Variants in STK32B observed in about 807,000 individuals in gnomAD.
STK32B encodes the protein serine/threonine-protein kinase 32B.
STK32B carries 43 observed loss-of-function variants against 52.6 expected under a neutral mutation model. The ratio of observed to expected loss-of-function variants is 0.82; its 90% CI spans 0.64 to 1.05. The LOEUF is 1.05. STK32B is among the 50% of genes least tolerant of loss of function. STK32B has a pLI of 0.00. For missense variants in STK32B, 621 were observed against 534.6 expected (o/e 1.16, Z -1.59); for synonymous variants, 238 against 204.3 (o/e 1.17, Z -1.41).
intron 3 of STK32B, among the ~76,000 whole-genome samples, chr4:5,282,695 T>C (rs1728288590): frequency 6.6e-6 from 1 of 152,080 alleles, no homozygotes; most frequent in South Asian, 2.1e-4. Context: ...CTTTAGGTGA[T>C]CCTGGATTAT....
intron 7 of STK32B, among the ~76,000 whole-genome samples, chr4:5,449,812 G>A (rs1248506547): frequency 6.6e-6 from 1 of 152,150 alleles, no homozygotes; most frequent in Admixed American, 6.5e-5. Flanking sequence ...TGCACCTTAT[G>A]AGAATCTAAT....
At chr4:5,174,067 G>A (rs1719616373) in intron 3 of STK32B, among the ~76,000 whole-genome samples, 1 of 152,048 alleles carries the variant, frequency 6.6e-6, no homozygotes, top group Admixed American at 6.6e-5. Context: ...GGCCTTCTTT[G>A]TCTCTTTTGA....
chr4:5,421,831 A>G (rs1292328186), intron 6 of STK32B, among the ~76,000 whole-genome samples: 1 of 152,198 alleles, frequency 6.6e-6, no homozygotes, highest in African/African-American at 2.4e-5. Flanking sequence ...ACGTTTCTAC[A>G]TCTCTTATTT....
chr4:5,184,831 G>T (rs1720625861), intron 3 of STK32B, among the ~76,000 whole-genome samples: 1 of 152,206 alleles, frequency 6.6e-6, no homozygotes, highest in African/African-American at 2.4e-5. Context: ...TGGAAAACAT[G>T]GCACCGATGG....
intron 11 of STK32B, among the ~76,000 whole-genome samples, chr4:5,496,310 C>T (rs574649055): frequency 1.2e-4 from 19 of 152,318 alleles, no homozygotes; most frequent in South Asian, 6.2e-4. Flanking sequence ...GCCTCGCTGC[C>T]GCCTTGCAGT....
intron 2 of STK32B, among the ~76,000 whole-genome samples, chr4:5,165,741 C>A (rs769526483): frequency 6.6e-6 from 1 of 152,186 alleles, no homozygotes; most frequent in Non-Finnish European, 1.5e-5. Flanking sequence ...TACGTTTGCA[C>A]GTCATACCTT....
Position 5,250,559 on chromosome 4 carries a change from C to T in STK32B, c.261-80661C>T, listed in dbSNP as rs59284344. Among the ~76,000 whole-genome samples the T allele has an allele frequency of 8.1e-3, 1,231 of 152,196 alleles. 22 individuals are homozygous for T. Among genetic ancestry groups the T allele is most frequent in the African/African-American group, 0.022 (895 of 41,520 alleles). The stretch of plus-strand genomic sequence containing the variant: ...AACTCCTGACCTCAAGTGATCCACC[C>T]GCCTCGGCCTCCCAAAGTGCTAGGA... On this transcript the variant is annotated intron_variant, in intron 3 of 11. Coordinates refer to ENST00000282908, the MANE Select transcript of STK32B (RefSeq NM_018401.3).
chr4:5,387,750 G>A (rs909218045), intron 4 of STK32B, among the ~76,000 whole-genome samples: 8 of 147,582 alleles, frequency 5.4e-5, no homozygotes, highest in Admixed American at 3.4e-4. Context: ...TTTTTTATTC[G>A]TTTGTTTGTT....
intron 1 of STK32B, among the ~76,000 whole-genome samples, chr4:5,123,185 A>G (rs1323593663): frequency 6.6e-6 from 1 of 152,080 alleles, no homozygotes; most frequent in Non-Finnish European, 1.5e-5. Context: ...CAAGCTGTAG[A>G]GACAGAAGGT....
chr4:5,484,490 G>T (rs559984988), intron 11 of STK32B, among the ~76,000 whole-genome samples: 2 of 152,090 alleles, frequency 1.3e-5, no homozygotes, highest in African/African-American at 2.4e-5. Flanking sequence ...GTCTCTGCAC[G>T]TGAGATGGGT....
intron 1 of STK32B, among the ~76,000 whole-genome samples, chr4:5,093,350 G>A (rs1713200051): frequency 2.0e-5 from 3 of 152,128 alleles, no homozygotes; most frequent in South Asian, 2.1e-4. Flanking sequence ...AATAGTAACT[G>A]CATGAAACTT....
At chr4:5,059,689 A>G (rs1448915450) in intron 1 of STK32B, among the ~76,000 whole-genome samples, 1 of 152,252 alleles carries the variant, frequency 6.6e-6, no homozygotes, top group Admixed American at 6.5e-5. Flanking sequence ...TAAAAGCACA[A>G]CTTGCTGAAA....
intron 3 of STK32B, among the ~76,000 whole-genome samples, chr4:5,184,405 A>G (rs1720580843): frequency 6.6e-6 from 1 of 152,190 alleles, no homozygotes; most frequent in Non-Finnish European, 1.5e-5. Flanking sequence ...TGATGCCCCA[A>G]AACAATTGTA....
chr4:5,454,146 G>A (rs1185596657), intron 7 of STK32B, among the ~76,000 whole-genome samples: 4 of 152,154 alleles, frequency 2.6e-5, no homozygotes, highest in African/African-American at 4.8e-5. Flanking sequence ...TCCCGCTCAT[G>A]CCGGGCCCCA....
At chr4:5,263,927 T>C (rs1726889267) in intron 3 of STK32B, among the ~76,000 whole-genome samples, 1 of 152,234 alleles carries the variant, frequency 6.6e-6, no homozygotes, top group Non-Finnish European at 1.5e-5. Context: ...AATGAAAATA[T>C]TGTGCCTGGC....
intron 3 of STK32B, among the ~76,000 whole-genome samples, chr4:5,241,990 G>A (rs937582961): frequency 1.3e-5 from 2 of 152,088 alleles, no homozygotes; most frequent in African/African-American, 2.4e-5. Context: ...TGGACATTTG[G>A]GTTGGTTCCA....
chr4:5,339,541 C>T (rs1163663118), intron 4 of STK32B, among the ~76,000 whole-genome samples: 1 of 152,100 alleles, frequency 6.6e-6, no homozygotes, highest in East Asian at 1.9e-4. Flanking sequence ...AATTCAAGAG[C>T]TGAATTTATG....
intron 11 of STK32B, among the ~76,000 whole-genome samples, chr4:5,495,846 G>C (rs1455590963): frequency 6.6e-6 from 1 of 152,200 alleles, no homozygotes; most frequent in Non-Finnish European, 1.5e-5. Flanking sequence ...GTCCACTCCA[G>C]ACCCTGTTTG....
At chr4:5,275,017 G>A (rs1458469072) in intron 3 of STK32B, among the ~76,000 whole-genome samples, 1 of 152,134 alleles carries the variant, frequency 6.6e-6, no homozygotes, top group Non-Finnish European at 1.5e-5. Flanking sequence ...CGTGACCCAC[G>A]ACTTCTAACA....
Sources: allele counts gnomAD v4.1 joint callset (sites outside exome capture counted in the v4.1 genomes callset), GRCh38; gene constraint gnomAD v4.1.1; transcripts MANE v1.5; gene names NCBI Gene and HGNC (gene_info 2026-07-23, HGNC 2026-07-21).